Variants in ADAMTS6 observed in about 807,000 individuals in gnomAD.
The protein encoded by ADAMTS6 is A disintegrin and metalloproteinase with thrombospondin motifs 6.
Under a neutral mutation model 144.3 loss-of-function variants are expected in ADAMTS6, and 23 were observed. The observed-to-expected ratio is 0.16, with a 90% confidence interval of 0.11 to 0.23. ADAMTS6 has a LOEUF of 0.23. ADAMTS6 is among the 10% of genes least tolerant of loss of function. The pLI is 1.00. For missense variants in ADAMTS6, 999 were observed against 1,379.6 expected (o/e 0.72, Z 4.37); for synonymous variants, 444 against 457.5 (o/e 0.97, Z 0.38).
chr5:65,183,216 A>G (rs570354680), intron 22 of ADAMTS6, among the ~76,000 whole-genome samples: 1 of 152,226 alleles, frequency 6.6e-6, no homozygotes, highest in South Asian at 2.1e-4. Context: ...TGCTTTCTTG[A>G]GCCTAAATTT....
At chr5:65,178,611 T>A (rs1754131917) in intron 22 of ADAMTS6, among the ~76,000 whole-genome samples, 1 of 152,136 alleles carries the variant, frequency 6.6e-6, no homozygotes, top group Non-Finnish European at 1.5e-5. Context: ...CAGTGGCCTA[T>A]CTCTCAAAAC....
chr5:65,184,890 C>T (rs539663478), intron 22 of ADAMTS6, among the ~76,000 whole-genome samples: 11 of 152,100 alleles, frequency 7.2e-5, no homozygotes, highest in South Asian at 2.1e-4. Context: ...CTACAGTAGC[C>T]GGCAGAGAAA....
chr5:65,171,217 G>C (rs567002889), intron 23 of ADAMTS6, among the ~76,000 whole-genome samples: 4 of 151,978 alleles, frequency 2.6e-5, no homozygotes, highest in African/African-American at 9.6e-5. Context: ...CACCATCTTA[G>C]CCAGCATGGT....
At chr5:65,436,311 A>C (rs564463416) in intron 7 of ADAMTS6, among the ~76,000 whole-genome samples, 2 of 152,290 alleles carry the variant, frequency 1.3e-5, no homozygotes, top group East Asian at 3.9e-4. Context: ...ACCTTGTCTC[A>C]AAACAACAAA....
At chr5:65,290,024 G>T (rs1742130453) in intron 11 of ADAMTS6, among the ~76,000 whole-genome samples, 1 of 152,058 alleles carries the variant, frequency 6.6e-6, no homozygotes. Flanking sequence ...TTTACACAAG[G>T]TTCTACATAT....
At chr5:65,199,896 A>G (rs1580031427) in intron 20 of ADAMTS6, among the ~76,000 whole-genome samples, 2 of 152,132 alleles carry the variant, frequency 1.3e-5, no homozygotes, top group East Asian at 3.8e-4. Context: ...ACTGGGAATC[A>G]AGAGTACTTA....
chr5:65,201,990 C>A (rs1027931325), intron 20 of ADAMTS6, among the ~76,000 whole-genome samples: 1 of 152,190 alleles, frequency 6.6e-6, no homozygotes, highest in Non-Finnish European at 1.5e-5. Flanking sequence ...TCCGCTCTGC[C>A]TTTCACTGCT....
At position 65,480,969 on chromosome 5, in the gene ADAMTS6, G is replaced by A. The variant is rs189005895; in HGVS notation, c.-280+374C>T. On this transcript the variant is annotated intron_variant, in intron 1 of 24. Coordinates refer to ENST00000381055, the MANE Select transcript of ADAMTS6 (RefSeq NM_197941.4). ...ATAAGACTTTTCTGTAAGAAAACTG[G>A]AAATCAATTTAAAACACACACATCA... Among the ~76,000 whole-genome samples, 1,183 of 152,146 alleles carry A rather than the reference G, an allele frequency of 7.8e-3. 6 individuals are homozygous for A. The highest frequency in any genetic ancestry group is 0.012 in the Non-Finnish European group (838 of 67,988).
Position 65,476,125 on chromosome 5 carries a change from T to C in ADAMTS6, c.-279-2173A>G, listed in dbSNP as rs143477406. On this transcript the variant is annotated intron_variant, in intron 1 of 24. Coordinates refer to ENST00000381055, the MANE Select transcript of ADAMTS6 (RefSeq NM_197941.4). ...AAGCTGTCATTTGTTGAGGCCCACA[T>C]TGAAGAAACTGAGAGCAGCCTCTGA... is the stretch of plus-strand genomic sequence containing the variant. Among the ~76,000 whole-genome samples, 648 of 152,354 alleles carry C rather than the reference T, an allele frequency of 4.3e-3. 5 individuals are homozygous for C. Among genetic ancestry groups the C allele is most frequent in the African/African-American group, 0.014 (596 of 41,584 alleles).
intron 3 of ADAMTS6, among the ~76,000 whole-genome samples, chr5:65,463,302 G>C (rs1329440262): frequency 6.6e-6 from 1 of 152,054 alleles, no homozygotes; most frequent in Admixed American, 6.6e-5. Flanking sequence ...TCTTGGGAAA[G>C]GGCAGACCAG....
chr5:65,252,754 T>C (rs1200761981), intron 14 of ADAMTS6, among the ~76,000 whole-genome samples: 2 of 152,030 alleles, frequency 1.3e-5, no homozygotes, highest in Non-Finnish European at 2.9e-5. Flanking sequence ...ACCACAGAAA[T>C]GAGAGGATCA....
At chr5:65,233,910 T>C (rs767598255) in intron 15 of ADAMTS6, among the ~76,000 whole-genome samples, 11 of 152,022 alleles carry the variant, frequency 7.2e-5, no homozygotes, top group Non-Finnish European at 5.9e-5. Context: ...CAGAACAGTA[T>C]AGTACTTTAT....
chr5:65,340,991 C>T (rs551294905), intron 7 of ADAMTS6, among the ~76,000 whole-genome samples: 1 of 151,916 alleles, frequency 6.6e-6, no homozygotes, highest in Admixed American at 6.6e-5. Flanking sequence ...TAATATGTCA[C>T]TCTCAGCATT....
chr5:65,186,566 T>G (rs1754683710), intron 22 of ADAMTS6, among the ~76,000 whole-genome samples: 1 of 152,180 alleles, frequency 6.6e-6, no homozygotes, highest in Non-Finnish European at 1.5e-5. Context: ...TGGATTTCTA[T>G]AAGGGTCCTG....
chr5:65,467,087 A>C (rs1760086044), intron 3 of ADAMTS6, among the ~76,000 whole-genome samples: 1 of 152,052 alleles, frequency 6.6e-6, no homozygotes, highest in African/African-American at 2.4e-5. Flanking sequence ...AAAAAGAGAA[A>C]GAACTTTTGA....
At chr5:65,370,530 G>A (rs1372888446) in intron 7 of ADAMTS6, among the ~76,000 whole-genome samples, 1 of 152,188 alleles carries the variant, frequency 6.6e-6, no homozygotes, top group African/African-American at 2.4e-5. Flanking sequence ...CACCTGGAAA[G>A]TCGGGTCACT....
chr5:65,334,609 T>C (rs913422859), intron 7 of ADAMTS6, among the ~76,000 whole-genome samples: 1 of 152,190 alleles, frequency 6.6e-6, no homozygotes, highest in African/African-American at 2.4e-5. Context: ...TTATATTACA[T>C]ATTTCTCCTA....
intron 7 of ADAMTS6, among the ~76,000 whole-genome samples, chr5:65,335,079 G>C (rs1747175579): frequency 6.6e-6 from 1 of 152,042 alleles, no homozygotes; most frequent in South Asian, 2.1e-4. Context: ...GTAGGGGAGA[G>C]GGTTAGCAAA....
At chr5:65,426,570 A>C (rs1295592214) in intron 7 of ADAMTS6, among the ~76,000 whole-genome samples, 1 of 152,124 alleles carries the variant, frequency 6.6e-6, no homozygotes, top group African/African-American at 2.4e-5. Context: ...GATAAAAACA[A>C]CACTTTCAAA....
Sources: gnomAD v4.1 joint callset for allele counts (sites outside exome capture counted in the v4.1 genomes callset) on GRCh38, gnomAD v4.1.1 for gene constraint, MANE v1.5 for transcripts, NCBI Gene and HGNC (gene_info 2026-07-23, HGNC 2026-07-21) for gene names.